The following SLC1A5 variants were observed in gnomAD, a reference collection of about 807,000 sequenced individuals.
The protein encoded by SLC1A5 is neutral amino acid transporter B(0).
SLC1A5 carries 25 observed loss-of-function variants against 34.9 expected under a neutral mutation model. The observed-to-expected ratio is 0.72, with a 90% CI of 0.52 to 1.00. SLC1A5 has a LOEUF of 1.00. Among genes scored for constraint, SLC1A5 ranks in the 50% least tolerant of loss-of-function variants. SLC1A5 has a pLI of 0.00. For synonymous variants in SLC1A5, 351 were observed against 341.2 expected, an observed-to-expected ratio of 1.03 and a Z score of -0.32; for missense variants, 637 against 740.0, an observed-to-expected ratio of 0.86 and a Z score of 1.61.
chr19:46,775,610 G>A lies in SLC1A5; in HGVS notation c.1526C>T (p.Pro509Leu), dbSNP rs563577535. 115 of 1,614,128 alleles carry A rather than the reference G, an allele frequency of 7.1e-5. No homozygotes were observed. The highest frequency in any genetic ancestry group is 3.2e-4 in the South Asian group (29 of 91,082). ...IQVKSELPLD[P>L]LPVPTEEGNP... ...TCCTTCCTCAGTGGGGACTGGCAGC[G>A]GATCCAGGGGCAGCTCACTCTTCAC... Residue 509 changes from proline (P) to leucine (L), a missense_variant, in exon 8 of 8, where the codon CCG becomes CTG. Transcript: ENST00000542575.
rs1365889552 is a variant in SLC1A5 at position 46,778,658 on chromosome 19, C to T, written c.1058+17G>A. On this transcript the variant is annotated intron_variant, in intron 5 of 7. Transcript: ENST00000542575. ...AGCGGATTAAACATCCCACCCTAGC[C>T]CACCCCAAGGCCGTACCTGGAAGAG... is the stretch of plus-strand genomic sequence containing the variant. 1.4e-6 allele frequency: 2 copies of T among 1,394,850 alleles called. No homozygotes were observed. The highest frequency in any genetic ancestry group is 2.3e-5 in the South Asian group (2 of 85,280). The allele number at this position is 1,394,850 out of a possible 1,614,324, so 86.4% of individuals were successfully genotyped here. A position where few individuals can be genotyped will look rare whatever the true frequency, so the allele number is the denominator to read the frequency against.
chr19:46,782,451 C>T lies in SLC1A5; in HGVS notation c.756G>A (p.Gly252=), dbSNP rs1394949797. The change falls in exon 4 of 8, where the codon GGG becomes GGA. Residue 252 remains glycine (G), a synonymous_variant. Coordinates refer to ENST00000542575, the MANE Select transcript of SLC1A5 (RefSeq NM_005628.3). ...AGTTGAAGAAGCGGATAAGCAGCTC[C>T]CCTTCAGGCCCCAGCTTCCGCAGCG... The part of the protein sequence containing the change: ...GVALRKLGPE[G]ELLIRFFNSF... 1 of 1,613,946 alleles carries T rather than the reference C, an allele frequency of 6.2e-7. No homozygotes were observed. Among genetic ancestry groups the T allele is most frequent in the Admixed American group, 1.7e-5 (1 of 59,986 alleles).
Position 46,784,044 on chromosome 19 carries a change from A to G in SLC1A5, c.657+53T>C, listed in dbSNP as rs2055167810. 3 of 1,475,372 alleles carry G rather than the reference A, an allele frequency of 2.0e-6. No homozygotes were observed. The Admixed American group carries it at 5.2e-5, about 25-fold the overall frequency. 91.4% of individuals were successfully genotyped at this position (1,475,372 alleles called of 1,614,324 possible). A position where few individuals can be genotyped will look rare whatever the true frequency, so the allele number is the denominator to read the frequency against. ...ACTAAGGCAGAAATAAAACCAAAAA[A>G]TTATAGCAATAGGCAAAGAGGTAGA... On this transcript the variant is annotated intron_variant, in intron 3 of 7. Transcript: ENST00000542575.
chr19:46,778,706 G>A lies in SLC1A5; in HGVS notation c.1027C>T (p.Pro343Ser). Reference sequence around the variant, plus strand: ...GAGGTCCCAAAGGCAGTGGCCAGCGGCGTCACGATGCCCCACAGGAAGCGG... The same window carrying A: ...GAGGTCCCAAAGGCAGTGGCCAGCGACGTCACGATGCCCCACAGGAAGCGG... ...PYRFLWGIVT[P>S]LATAFGTSSS... Residue 343 changes from proline to serine, a missense_variant, in exon 5 of 8, where the codon CCG becomes TCG. By Grantham distance (74) the Pro-to-Ser change is moderately conservative. Transcript: ENST00000542575. 1 of 1,613,806 alleles carries A rather than the reference G, an allele frequency of 6.2e-7. No individual in the cohort carries two copies. The highest frequency in any genetic ancestry group is 8.5e-7 in the Non-Finnish European group (1 of 1,179,874).
intron 4 of SLC1A5, 129 bp from the exon 5 acceptor site, chr19:46,779,037 C>T: frequency 3.2e-6 from 2 of 634,044 alleles, no homozygotes; most frequent in Non-Finnish European, 5.4e-6. Context: ...ATGTGTGCTT[C>T]AGCATGGGCA....
At position 46,787,673 on chromosome 19, in the gene SLC1A5, C is replaced by G; in HGVS notation, c.293G>C (p.Arg98Pro). The G allele has an allele frequency of 6.3e-7, 1 of 1,593,072 alleles. No individual in the cohort carries two copies. ...AFVFPGELLL[R>P]LLRMIILPLV... The stretch of plus-strand genomic sequence containing the variant: ...CGGCAAGATGATCATCCGCAGCAGA[C>G]GCAGCAGCAGCTCGCCCGGGAAGAC... Residue 98 changes from arginine (R) to proline (P), a missense_variant, in exon 1 of 8, where the codon CGT becomes CCT. Physicochemically the swap from Arg to Pro is moderately radical, Grantham distance 103. Transcript: ENST00000542575. The surrounding 1 kb of genome is among the most constrained non-coding windows in gnomAD (Gnocchi z 5.2).
rs1447689089 is a variant in SLC1A5, at chr19:46,777,206, C to T, written c.1253+5G>A. The T allele has an allele frequency of 6.2e-7, 1 of 1,602,434 alleles. No individual in the cohort carries two copies. Among genetic ancestry groups the T allele is most frequent in the Non-Finnish European group, 8.5e-7 (1 of 1,172,750 alleles). On this transcript the variant is annotated splice_donor_5th_base_variant and intron_variant, in intron 6 of 7. Transcript: ENST00000542575. Reference sequence around the variant, plus strand: ...GGGTCCCATCCGCAGCCCCCTGACACTCACAGGATGGTGATGATCTTTACG... The same window carrying T: ...GGGTCCCATCCGCAGCCCCCTGACATTCACAGGATGGTGATGATCTTTACG...
rs1001011647 is a variant in SLC1A5, at chr19:46,784,847, C to T, written c.567-288G>A. On this transcript the variant is annotated intron_variant, in intron 1 of 7. Coordinates refer to ENST00000542575, the MANE Select transcript of SLC1A5 (RefSeq NM_005628.3). Reference sequence around the variant, plus strand: ...GCTGGCCTCCCACGGCAGGCCAGGGCAGGTCGCCCCGGGCCTCAGCTCCAC... The same window carrying T: ...GCTGGCCTCCCACGGCAGGCCAGGGTAGGTCGCCCCGGGCCTCAGCTCCAC... 117 of 1,398,564 alleles carry T rather than the reference C, an allele frequency of 8.4e-5. No individual in the cohort carries two copies. In the African/African-American group the frequency reaches 1.5e-3, roughly 18 times the overall value. The allele number at this position is 1,398,564 out of a possible 1,614,324, so 86.6% of individuals were successfully genotyped here.
intron 5 of SLC1A5, 133 bp downstream of exon 5, chr19:46,778,542 C>T: frequency 1.5e-6 from 1 of 652,524 alleles, no homozygotes; most frequent in Non-Finnish European, 2.7e-6. Context: ...GGGGATAAAT[C>T]CAGGACCTTA....
chr19:46,778,646 T>TGCCCC lies in SLC1A5; in HGVS notation c.1058+28_1058+29insGGGGC. The stretch of plus-strand genomic sequence containing the variant: ...TCCATGCCGCTTAGCGGATTAAACA[T>TGCCCC]CCCACCCTAGCCCACCCCAAGGCCG... On this transcript the variant is annotated intron_variant, in intron 5 of 7. Coordinates refer to ENST00000542575, the MANE Select transcript of SLC1A5 (RefSeq NM_005628.3). 9 of 1,235,820 alleles carry TGCCCC rather than the reference T, an allele frequency of 7.3e-6. 1 individual carries two copies. Among genetic ancestry groups the TGCCCC allele is most frequent in the East Asian group, 4.8e-5 (2 of 41,398 alleles). The allele number at this position is 1,235,820 out of a possible 1,614,324, so 76.6% of individuals were successfully genotyped here.
intron 5 of SLC1A5, among the ~76,000 whole-genome samples, chr19:46,778,450 G>A (rs2055115392): frequency 6.6e-6 from 1 of 152,098 alleles, no homozygotes; most frequent in Non-Finnish European, 1.5e-5. Context: ...AAAAAAAAGA[G>A]TGCCTCCAGG....
Position 46,775,562 on chromosome 19 carries a change from C to G in SLC1A5, c.1574G>C (p.Arg525Pro). The G allele has an allele frequency of 5.6e-6, 9 of 1,614,074 alleles. No individual in the cohort carries two copies. Among genetic ancestry groups the G allele is most frequent in the Non-Finnish European group, 7.6e-6 (9 of 1,179,982 alleles). Residue 525 changes from arginine (R) to proline (P), a missense_variant, in exon 8 of 8, where the codon CGG becomes CCG. By Grantham distance (103) the Arg-to-Pro change is moderately radical. Transcript: ENST00000542575. ...EEGNPLLKHY[R>P]GPAGDATVAS... ...GACCGTGGCATCCCCTGCGGGCCCC[C>G]GATAGTGTTTGAGGAGGGGGTTTCC...
chr19:46,775,181 G>GGTGACCT lies in SLC1A5; in HGVS notation c.*322_*328dup. On this transcript the variant is annotated 3_prime_UTR_variant, in exon 8 of 8. Transcript: ENST00000542575. ...CCCAGTGGGGGCTAGAATTCCCCATGGTGACCTGTGACCTGCTCCCTGAGA... is the reference window on the plus strand; with the variant it reads ...CCCAGTGGGGGCTAGAATTCCCCATGGTGACCTGTGACCTGTGACCTGCTCCCTGAGA... 1.9e-6 allele frequency: 2 copies of GGTGACCT among 1,069,536 alleles called. No individual in the cohort carries two copies. Among genetic ancestry groups the GGTGACCT allele is most frequent in the Non-Finnish European group, 2.3e-6 (2 of 882,104 alleles). The allele number at this position is 1,069,536 out of a possible 1,614,324, so 66.3% of individuals were successfully genotyped here. A position where few individuals can be genotyped will look rare whatever the true frequency, so the allele number is the denominator to read the frequency against.
Position 46,775,303 on chromosome 19 carries a change from T to C in SLC1A5, c.*207A>G, listed in dbSNP as rs2055076293. 1 of 1,347,826 alleles carries C rather than the reference T, an allele frequency of 7.4e-7. No homozygotes were observed. 83.5% of individuals were successfully genotyped at this position (1,347,826 alleles called of 1,614,324 possible). ...TTGAGTTGGGGACATGAGTGAGAAC[T>C]GGGGGTTTTGAGGAGTAACCCTTGT... On this transcript the variant is annotated 3_prime_UTR_variant, in exon 8 of 8. Coordinates refer to ENST00000542575, the MANE Select transcript of SLC1A5 (RefSeq NM_005628.3).
chr19:46,780,218 C>T (rs1267791842), intron 4 of SLC1A5, among the ~76,000 whole-genome samples: 1 of 151,986 alleles, frequency 6.6e-6, no homozygotes, highest in African/African-American at 2.4e-5. Context: ...TCTGTAGTCC[C>T]AGCCACTTAG....
rs1012240636 is a variant in SLC1A5, at chr19:46,788,175, G to A, written c.-210C>T. The A allele has an allele frequency of 1.8e-6, 1 of 557,982 alleles. No individual in the cohort carries two copies. The highest frequency in any genetic ancestry group is 2.0e-5 in the African/African-American group (1 of 49,712). 34.6% of individuals were successfully genotyped at this position (557,982 alleles called of 1,614,324 possible). A position where few individuals can be genotyped will look rare whatever the true frequency, so the allele number is the denominator to read the frequency against. ...TTAAATTCCCCAGGCTGGGCGCTGA[G>A]GCTTCTCTGCTCTGCCCCGTGTGCC... On this transcript the variant is annotated 5_prime_UTR_variant, in exon 1 of 8. Coordinates refer to ENST00000542575, the MANE Select transcript of SLC1A5 (RefSeq NM_005628.3).
chr19:46,775,208 AG>A lies in SLC1A5; in HGVS notation c.*301del. The A allele has an allele frequency of 9.1e-7, 1 of 1,101,714 alleles. No homozygotes were observed. The highest frequency in any genetic ancestry group is 1.1e-6 in the Non-Finnish European group (1 of 901,220). 68.2% of individuals were successfully genotyped at this position (1,101,714 alleles called of 1,614,324 possible). ...TGACCTGTGACCTGCTCCCTGAGAC[AG>A]GGGAGGCCAGGCAGGTCACGGTGGG... is the stretch of plus-strand genomic sequence containing the variant. On this transcript the variant is annotated 3_prime_UTR_variant, in exon 8 of 8. Coordinates refer to ENST00000542575, the MANE Select transcript of SLC1A5 (RefSeq NM_005628.3).
intron 2 of SLC1A5, 72 bp downstream of exon 2, chr19:46,784,445 A>C: frequency 6.3e-7 from 1 of 1,575,306 alleles, no homozygotes; most frequent in East Asian, 2.2e-5. Context: ...AAAATCAGGT[A>C]GCAAGGGCTC....
chr19:46,779,355 C>G (rs1030471253), intron 4 of SLC1A5, among the ~76,000 whole-genome samples: 1 of 145,456 alleles, frequency 6.9e-6, no homozygotes, highest in Admixed American at 7.2e-5. Flanking sequence ...ATCAGGGAGG[C>G]AGAGGTTGCT....
Sources: gnomAD v4.1 joint callset for allele counts (sites outside exome capture counted in the v4.1 genomes callset) on GRCh38, gnomAD v4.1.1 for gene constraint, Gnocchi (gnomAD v3.1) non-coding constraint, MANE v1.5 for transcripts, NCBI Gene and HGNC (gene_info 2026-07-23, HGNC 2026-07-21) for gene names.